Variants in SLX4 observed in about 807,000 individuals in gnomAD.
SLX4 encodes SLX4 structure-specific endonuclease subunit.
A neutral mutation model predicts 146.2 loss-of-function variants in SLX4; 112 were observed. The observed-to-expected ratio is 0.77, with a 90% CI of 0.66 to 0.90. The LOEUF is 0.90. Among genes scored for constraint, SLX4 ranks in the 40% least tolerant of loss-of-function variants. SLX4 has a pLI of 0.00. For missense variants in SLX4, 2,563 were observed against 2,392.7 expected, an observed-to-expected ratio of 1.07 and a Z score of -1.49; for synonymous variants, 1,061 against 997.7, an observed-to-expected ratio of 1.06 and a Z score of -1.20.
chr16:3,606,544 C>T lies in SLX4; in HGVS notation c.690G>A (p.Glu230=), dbSNP rs771213118. 5 of 1,614,222 alleles carry T rather than the reference C, an allele frequency of 3.1e-6. No homozygotes were observed. Among genetic ancestry groups the T allele is most frequent in the Non-Finnish European group, 3.4e-6 (4 of 1,180,046 alleles). Residue 230 remains glutamate (E), a synonymous_variant, in exon 3 of 15, where the codon GAG becomes GAA. Coordinates refer to ENST00000294008, the MANE Select transcript of SLX4 (RefSeq NM_032444.4). ...DPERLRHASE[E]CSLEAAREEN... Reference sequence around the variant, plus strand: ...CTTCCCGCGCAGCCTCGAGGGAGCACTCTTCTGAAGCGTGTCTCAAACGCT... The same window carrying T: ...CTTCCCGCGCAGCCTCGAGGGAGCATTCTTCTGAAGCGTGTCTCAAACGCT...
intron 5 of SLX4, among the ~76,000 whole-genome samples, chr16:3,599,294 C>T (rs2040701631): frequency 6.6e-6 from 1 of 152,220 alleles, no homozygotes; most frequent in South Asian, 2.1e-4. Context: ...GCGGGACAAA[C>T]AGCTATCGCC....
intron 3 of SLX4, among the ~76,000 whole-genome samples, chr16:3,604,825 A>AG (rs1286041074): frequency 6.6e-6 from 1 of 151,878 alleles, no homozygotes; most frequent in Non-Finnish European, 1.5e-5. Context: ...ATCTCAAAAA[A>AG]AAAAAAAAAT....
intron 3 of SLX4, among the ~76,000 whole-genome samples, chr16:3,604,999 G>A (rs1459396830): frequency 6.8e-6 from 1 of 147,542 alleles, no homozygotes; most frequent in Admixed American, 6.9e-5. Context: ...ACAGCTCACT[G>A]CAGCTCAACG....
At chr16:3,594,395 G>A (rs1237632492) in intron 10 of SLX4, 58 bp downstream of exon 10, 20 of 1,572,462 alleles carry the variant, frequency 1.3e-5, no homozygotes, top group Non-Finnish European at 1.7e-5. Flanking sequence ...GTTGGAGAAA[G>A]GCAGGAGGAG....
rs1480904013 is a variant in SLX4 at position 3,583,428 on chromosome 16, A to C, written c.4822T>G (p.Ser1608Ala). 2.5e-6 allele frequency: 4 copies of C among 1,613,844 alleles called. No individual in the cohort carries two copies. Among genetic ancestry groups the C allele is most frequent in the Admixed American group, 1.7e-5 (1 of 59,964 alleles). ...IFQYTHQTLD[S>A]DSEDESQSSQ... ...GACTGGCTCTCGTCCTCGGAGTCTG[A>C]GTCCAGGGTCTGGTGAGTGTACTGG... The change falls in exon 14 of 15, where the codon TCA becomes GCA. Residue 1608 changes from serine (S) to alanine (A), a missense_variant. By Grantham distance (99) the Ser-to-Ala change is moderately conservative (BLOSUM62 1). Coordinates refer to ENST00000294008, the MANE Select transcript of SLX4 (RefSeq NM_032444.4).
chr16:3,610,674 G>A (rs1167486351), intron 1 of SLX4, among the ~76,000 whole-genome samples: 1 of 152,140 alleles, frequency 6.6e-6, no homozygotes, highest in Non-Finnish European at 1.5e-5. Flanking sequence ...TTTATTCATC[G>A]GCTTATTATC....
Position 3,601,131 on chromosome 16 carries a change from C to G in SLX4, c.1011G>C (p.Pro337=), listed in dbSNP as rs778310070. Residue 337 remains proline, a synonymous_variant, in exon 5 of 15, where the codon CCG becomes CCC. Coordinates refer to ENST00000294008, the MANE Select transcript of SLX4 (RefSeq NM_032444.4). ...RPSVPQIPEC[P]ICGKPFLTLK... ...AGGTAAGAAACGGTTTCCCACAAAT[C>G]GGGCACTCAGGGATCTGAGGCACAG... The G allele has an allele frequency of 6.2e-6, 10 of 1,614,072 alleles. No individual in the cohort carries two copies. Among genetic ancestry groups the G allele is most frequent in the Non-Finnish European group, 8.5e-6 (10 of 1,180,030 alleles).
chr16:3,595,407 A>G (rs778667463), intron 9 of SLX4, among the ~76,000 whole-genome samples, 198 bp downstream of exon 9: 20 of 152,196 alleles, frequency 1.3e-4, no homozygotes, highest in Non-Finnish European at 2.5e-4. Context: ...CAGAGCCCCC[A>G]GAGGGGCGCT....
rs760757846 is a variant in SLX4, at chr16:3,589,504, C to T, written c.4134G>A (p.Pro1378=). 17 of 1,609,722 alleles carry T rather than the reference C, an allele frequency of 1.1e-5. No individual in the cohort carries two copies. The highest frequency in any genetic ancestry group is 4.5e-5 in the East Asian group (2 of 44,756). The change falls in exon 12 of 15, where the codon CCG becomes CCA. Residue 1378 remains proline, a synonymous_variant. Coordinates refer to ENST00000294008, the MANE Select transcript of SLX4 (RefSeq NM_032444.4). This position sits in a 1 kb window ranked among gnomAD's most constrained non-coding sequence, Gnocchi z 6.2. Reference sequence around the variant, plus strand: ...TCTGGTTCAGGAAGCTTGGCCCAGGCGGCGAGTGTTTCAGGAACCGCCTGC... The same window carrying T: ...TCTGGTTCAGGAAGCTTGGCCCAGGTGGCGAGTGTTTCAGGAACCGCCTGC... The part of the protein sequence containing the change: ...HFSRRFLKHS[P]PGPSFLNQTP...
chr16:3,597,452 G>T lies in SLX4; in HGVS notation c.1610C>A (p.Thr537Asn), dbSNP rs1212073010. ...QSFLWEGSAL[T>N]GAWAMEDFYT... ...GAAGTCCTCCATGGCCCAGGCCCCAGTCAGTGCGCTGCCCTCCCACAGAAA... is the reference window on the plus strand; with the variant it reads ...GAAGTCCTCCATGGCCCAGGCCCCATTCAGTGCGCTGCCCTCCCACAGAAA... Residue 537 changes from threonine (T) to asparagine (N), a missense_variant, in exon 7 of 15, where the codon ACT becomes AAT. By Grantham distance (65) the Thr-to-Asn change is moderately conservative. Transcript: ENST00000294008. The surrounding 1 kb of genome is among the most constrained non-coding windows in gnomAD (Gnocchi z 4.4). 1 of 1,612,880 alleles carries T rather than the reference G, an allele frequency of 6.2e-7. No homozygotes were observed.
At chr16:3,591,638 T>C (rs2040596862) in intron 11 of SLX4, among the ~76,000 whole-genome samples, 1 of 152,120 alleles carries the variant, frequency 6.6e-6, no homozygotes, top group African/African-American at 2.4e-5. Context: ...GCTCTTAAGA[T>C]ATGGTGTCAG....
In SLX4 at chr16:3,606,608, A is replaced by C; in HGVS notation, c.626T>G (p.Val209Gly). ...SPSKPRTAQL[V>G]LQRMQQFKRA... ...CTTGAACTGCTGCATTCGCTGTAGG[A>C]CCAATTGTGCTGTGCGGGGTTTGGA... The change falls in exon 3 of 15, where the codon GTC becomes GGC. Residue 209 changes from valine (V) to glycine (G), a missense_variant. By Grantham distance (109) the Val-to-Gly change is moderately radical. Coordinates refer to ENST00000294008, the MANE Select transcript of SLX4 (RefSeq NM_032444.4). The C allele has an allele frequency of 6.2e-7, 1 of 1,614,184 alleles. No homozygotes were observed.
Position 3,590,660 on chromosome 16 carries a change from T to C in SLX4, c.2978A>G (p.Glu993Gly), listed in dbSNP as rs759599459. ...YEQLFSSTQG[E>G]ISEPSQITSE... ...TGTTATTTGGGACGGCTCTGAGATC[T>C]CTCCCTGAGTTGATGAGAAGAGCTG... Residue 993 changes from glutamate (E) to glycine (G), a missense_variant, in exon 12 of 15, where the codon GAG becomes GGG. Coordinates refer to ENST00000294008, the MANE Select transcript of SLX4 (RefSeq NM_032444.4). This position sits in a 1 kb window ranked among gnomAD's most constrained non-coding sequence, Gnocchi z 4.8. 3.1e-6 allele frequency: 5 copies of C among 1,614,158 alleles called. No homozygotes were observed. Among genetic ancestry groups the C allele is most frequent in the Non-Finnish European group, 8.5e-7 (1 of 1,180,032 alleles).
At chr16:3,587,104 T>C (rs941809043) in intron 12 of SLX4, among the ~76,000 whole-genome samples, 2 of 152,208 alleles carry the variant, frequency 1.3e-5, no homozygotes, top group Non-Finnish European at 2.9e-5. Context: ...GTGGGGACAA[T>C]TGTACAACAC....
intron 5 of SLX4, among the ~76,000 whole-genome samples, chr16:3,600,127 C>T (rs991152388): frequency 1.3e-5 from 2 of 152,180 alleles, no homozygotes; most frequent in African/African-American, 4.8e-5. Context: ...AGCATTCCAC[C>T]TCAGATCATC....
At chr16:3,607,783 C>CTTG (rs1483257042) in intron 2 of SLX4, among the ~76,000 whole-genome samples, 3 of 152,218 alleles carry the variant, frequency 2.0e-5, no homozygotes, top group Non-Finnish European at 2.9e-5. Context: ...TCTCCTGGGA[C>CTTG]TTGAGCCCAC....
intron 9 of SLX4, 64 bp downstream of exon 9, chr16:3,595,541 C>A (rs1255944927): frequency 1.3e-6 from 2 of 1,577,958 alleles, no homozygotes; most frequent in African/African-American, 2.7e-5. Context: ...TGAGCCAACC[C>A]CACCACACAC....
chr16:3,608,316 C>T (rs957977826), intron 2 of SLX4, 114 bp downstream of exon 2: 29 of 1,086,698 alleles, frequency 2.7e-5, no homozygotes, highest in Non-Finnish European at 4.1e-5. Flanking sequence ...CTCACTATGA[C>T]AGCAGAGTTG....
chr16:3,589,468 A>G lies in SLX4; in HGVS notation c.4170T>C (p.Gly1390=). ...CACTGTCTCCGACTTCCACCACTTC[A>G]CCCGCTGGGGTCTGGTTCAGGAAGC... The part of the protein sequence containing the change: ...GPSFLNQTPA[G]EVVEVGDSDD... Residue 1390 remains glycine (G), a synonymous_variant, in exon 12 of 15, where the codon GGT becomes GGC. Transcript: ENST00000294008. This position sits in a 1 kb window ranked among gnomAD's most constrained non-coding sequence, Gnocchi z 6.2. 6.2e-7 allele frequency: 1 copy of G among 1,607,856 alleles called. No homozygotes were observed.
Sources: allele counts gnomAD v4.1 joint callset (sites outside exome capture counted in the v4.1 genomes callset), GRCh38; gene constraint gnomAD v4.1.1; non-coding constraint Gnocchi (gnomAD v3.1); transcripts MANE v1.5; gene names NCBI Gene and HGNC (gene_info 2026-07-23, HGNC 2026-07-21).